The following FCHSD2 variants were observed in gnomAD, a reference collection of about 807,000 sequenced individuals.
FCHSD2 encodes FCH and double SH3 domains 2, also known as F-BAR and double SH3 domains protein 2.
A neutral mutation model predicts 108.1 loss-of-function variants in FCHSD2; 38 were observed. The observed-to-expected ratio is 0.35, with a 90% CI of 0.27 to 0.46. FCHSD2 has a LOEUF of 0.46. Ranked by LOEUF, FCHSD2 falls within the 20% of genes least tolerant of loss-of-function variation. FCHSD2 has a pLI of 1.00. For missense variants in FCHSD2, 751 were observed against 897.8 expected (o/e 0.84, Z 2.09); for synonymous variants, 279 against 314.7 (o/e 0.89, Z 1.20).
At chr11:73,140,664 C>A (rs773588732) in intron 1 of FCHSD2, among the ~76,000 whole-genome samples, 2 of 152,238 alleles carry the variant, frequency 1.3e-5, no homozygotes, top group African/African-American at 4.8e-5. Context: ...GCTGACAGCG[C>A]ATCAAATCAC....
At chr11:72,864,390 C>T (rs956726328) in intron 13 of FCHSD2, among the ~76,000 whole-genome samples, 1 of 151,950 alleles carries the variant, frequency 6.6e-6, no homozygotes, top group Non-Finnish European at 1.5e-5. Context: ...GTGAAAAATA[C>T]AAAAATTAGC....
Position 73,134,359 on chromosome 11 carries a change from A to T in FCHSD2, c.119+5672T>A, listed in dbSNP as rs1159598305. Among the ~76,000 whole-genome samples the T allele has an allele frequency of 2.0e-5, 3 of 152,050 alleles. No individual in the cohort carries two copies. In the East Asian group the frequency reaches 5.8e-4, roughly 29 times the overall value. Reference sequence around the variant, plus strand: ...GTGGTGCATGCCTGTGGTCCCAGCTACTCAGGAGGCTGAGGTAGAAGGATC... The same window carrying T: ...GTGGTGCATGCCTGTGGTCCCAGCTTCTCAGGAGGCTGAGGTAGAAGGATC... On this transcript the variant is annotated intron_variant, in intron 2 of 19. Coordinates refer to ENST00000409418, the MANE Select transcript of FCHSD2 (RefSeq NM_014824.3).
chr11:73,070,723 G>A (rs1156858882), intron 3 of FCHSD2, among the ~76,000 whole-genome samples: 1 of 151,486 alleles, frequency 6.6e-6, no homozygotes, highest in Non-Finnish European at 1.5e-5. Context: ...ACCATACCCG[G>A]CCTAAATGTC....
At chr11:73,082,334 C>CAAAA (rs1859709464) in intron 3 of FCHSD2, among the ~76,000 whole-genome samples, 1 of 13,912 alleles carries the variant, frequency 7.2e-5, no homozygotes. Context: ...GAGACTTGTC[C>CAAAA]CAAAAAAAAA....
rs537855130 is a variant in FCHSD2 at position 72,985,715 on chromosome 11, T to G, written c.522-599A>C. Among the ~76,000 whole-genome samples the G allele has an allele frequency of 6.6e-5, 10 of 152,366 alleles. No homozygotes were observed. In the South Asian group the frequency reaches 2.1e-3, roughly 32 times the overall value. ...GGACTCTGCCCTGTATGATGTAATC[T>G]TCTCCCACTCTTGGGTTCTTATTTC... On this transcript the variant is annotated intron_variant, in intron 6 of 19. Transcript: ENST00000409418.
intron 2 of FCHSD2, among the ~76,000 whole-genome samples, chr11:73,100,003 T>C (rs1463962974): frequency 6.6e-6 from 1 of 152,198 alleles, no homozygotes; most frequent in Non-Finnish European, 1.5e-5. Context: ...AGCATTTAAG[T>C]GCTAATCTTC....
intron 2 of FCHSD2, among the ~76,000 whole-genome samples, chr11:73,111,165 G>C (rs1186486873): frequency 6.6e-6 from 1 of 152,134 alleles, no homozygotes; most frequent in Non-Finnish European, 1.5e-5. Flanking sequence ...TGGATGAAAT[G>C]TTCTGTAACT....
At chr11:72,941,833 G>C (rs879547324) in intron 8 of FCHSD2, among the ~76,000 whole-genome samples, 2 of 151,928 alleles carry the variant, frequency 1.3e-5, no homozygotes, top group African/African-American at 4.8e-5. Context: ...AGGGAATGTA[G>C]CTTCAAAAAA....
Position 73,077,409 on chromosome 11 carries a change from T to C in FCHSD2, c.165+6286A>G, listed in dbSNP as rs527485142. Among the ~76,000 whole-genome samples, 28 of 152,226 alleles carry C rather than the reference T, an allele frequency of 1.8e-4. No homozygotes were observed. The South Asian group carries it at 5.8e-3, about 32-fold the overall frequency. ...TATCAAAAATTAAGAAGACTATATC[T>C]AGTGTTGAGGAAGACATGTAGCACC... On this transcript the variant is annotated intron_variant, in intron 3 of 19. Transcript: ENST00000409418.
intron 8 of FCHSD2, among the ~76,000 whole-genome samples, chr11:72,939,190 G>C (rs963085632): frequency 1.3e-5 from 2 of 152,092 alleles, no homozygotes; most frequent in Admixed American, 1.3e-4. Context: ...TGCTGTGCTT[G>C]GCAGTATTTG....
intron 2 of FCHSD2, among the ~76,000 whole-genome samples, chr11:73,107,244 A>G (rs1159860386): frequency 1.3e-5 from 2 of 152,132 alleles, no homozygotes; most frequent in Non-Finnish European, 2.9e-5. Context: ...TAGTAGAGAC[A>G]GGGTTTCACC....
chr11:72,890,933 A>G (rs1855301514), intron 10 of FCHSD2, among the ~76,000 whole-genome samples: 1 of 152,208 alleles, frequency 6.6e-6, no homozygotes, highest in South Asian at 2.1e-4. Flanking sequence ...GAGGCTTTTA[A>G]TATAGAAAGC....
intron 2 of FCHSD2, among the ~76,000 whole-genome samples, chr11:73,106,425 AAAAG>A (rs918224437): frequency 1.3e-5 from 2 of 151,872 alleles, no homozygotes; most frequent in Non-Finnish European, 2.9e-5. Context: ...AAAAAAAAGA[AAAAG>A]AAAAAAGAAA....
intron 13 of FCHSD2, among the ~76,000 whole-genome samples, chr11:72,866,271 GTTTT>G (rs532751127): frequency 1.3e-4 from 14 of 111,916 alleles, no homozygotes; most frequent in Non-Finnish European, 2.2e-4. Context: ...GTTTTGTTTT[GTTTT>G]TTTTGTTTTT....
At chr11:72,919,788 A>C (rs1855944507) in intron 9 of FCHSD2, among the ~76,000 whole-genome samples, 2 of 151,704 alleles carry the variant, frequency 1.3e-5, no homozygotes, top group South Asian at 4.1e-4. Flanking sequence ...GTTGGATTAA[A>C]AATACAATTT....
intron 3 of FCHSD2, among the ~76,000 whole-genome samples, chr11:73,041,955 T>A (rs772063203): frequency 5.5e-4 from 84 of 152,042 alleles, no homozygotes; most frequent in Non-Finnish European, 1.0e-3. Flanking sequence ...TGAGACAGAG[T>A]CTCACTCGTC....
chr11:73,079,681 A>G (rs886398202), intron 3 of FCHSD2, among the ~76,000 whole-genome samples: 10 of 152,168 alleles, frequency 6.6e-5, no homozygotes, highest in African/African-American at 2.2e-4. Context: ...ACACAATCAA[A>G]AAGAGAGGAT....
At chr11:72,936,232 T>G (rs1453575895) in intron 8 of FCHSD2, among the ~76,000 whole-genome samples, 1 of 152,208 alleles carries the variant, frequency 6.6e-6, no homozygotes. Context: ...GAATTTCATC[T>G]ATCTCCCTTG....
chr11:73,041,621 T>C (rs1225831525), intron 3 of FCHSD2, among the ~76,000 whole-genome samples: 2 of 152,136 alleles, frequency 1.3e-5, no homozygotes, highest in African/African-American at 4.8e-5. Flanking sequence ...CTGAGTTGAG[T>C]TTCTTATATA....
Sources: allele counts gnomAD v4.1 joint callset (sites outside exome capture counted in the v4.1 genomes callset), GRCh38; gene constraint gnomAD v4.1.1; transcripts MANE v1.5; gene names NCBI Gene and HGNC (gene_info 2026-07-23, HGNC 2026-07-21).